The following CSMD1 variants were observed in gnomAD, a reference collection of about 807,000 sequenced individuals.
CSMD1 encodes the protein CUB and Sushi multiple domains 1, also known as CUB and sushi domain-containing protein 1.
CSMD1 carries 213 observed loss-of-function variants against 417.5 expected under a neutral mutation model. The ratio of observed to expected loss-of-function variants is 0.51; its 90% CI spans 0.46 to 0.57. CSMD1 has a LOEUF of 0.57. Ranked by LOEUF, CSMD1 falls within the 20% of genes least tolerant of loss-of-function variation. CSMD1 has a pLI of 0.00. For synonymous variants in CSMD1, 2,862 were observed against 1,736.8 expected (o/e 1.65, Z -16.11); for missense variants, 6,923 against 4,529.7 (o/e 1.53, Z -15.17).
At chr8:3,204,939 C>G (rs1051807707) in intron 31 of CSMD1, among the ~76,000 whole-genome samples, 1 of 152,126 alleles carries the variant, frequency 6.6e-6, no homozygotes, top group African/African-American at 2.4e-5. Flanking sequence ...GAAGGCCCTT[C>G]TGGAAATGAA....
At chr8:4,425,870 A>G (rs928941401) in intron 2 of CSMD1, among the ~76,000 whole-genome samples, 3 of 152,092 alleles carry the variant, frequency 2.0e-5, no homozygotes, top group African/African-American at 4.8e-5. Context: ...TAAACTTTGA[A>G]TATTTCAACA....
At chr8:4,429,946 G>A (rs192545340) in intron 2 of CSMD1, among the ~76,000 whole-genome samples, 2 of 152,116 alleles carry the variant, frequency 1.3e-5, no homozygotes, top group South Asian at 4.1e-4. Context: ...GAATGAAAAA[G>A]ACAAGAGGCA....
Position 2,962,317 on chromosome 8 carries a change from A to G in CSMD1, c.9628+149T>C, listed in dbSNP as rs1484048415. 24 of 659,004 alleles carry G rather than the reference A, an allele frequency of 3.6e-5. No individual in the cohort carries two copies. The East Asian group carries it at 5.5e-4, about 15-fold the overall frequency. The allele number at this position is 659,004 out of a possible 1,614,324, so 40.8% of individuals were successfully genotyped here. ...CATCAGTTTAGCTGATGAGTGCGCAATCCTACTCAGTGCAAAAATTATTAC... is the reference window on the plus strand; with the variant it reads ...CATCAGTTTAGCTGATGAGTGCGCAGTCCTACTCAGTGCAAAAATTATTAC... On this transcript the variant is annotated intron_variant, in intron 61 of 69. Coordinates refer to ENST00000635120, the MANE Select transcript of CSMD1 (RefSeq NM_033225.6).
intron 3 of CSMD1, among the ~76,000 whole-genome samples, chr8:4,258,879 G>A (rs1803672197): frequency 6.6e-6 from 1 of 152,138 alleles, no homozygotes; most frequent in Non-Finnish European, 1.5e-5. Flanking sequence ...TCTCTACCTG[G>A]CCGTGCCATG....
chr8:4,708,240 G>C (rs1808075888), intron 1 of CSMD1, among the ~76,000 whole-genome samples: 1 of 152,256 alleles, frequency 6.6e-6, no homozygotes, highest in Non-Finnish European at 1.5e-5. Context: ...ATGAGCCACT[G>C]CATCTGGCCT....
intron 10 of CSMD1, among the ~76,000 whole-genome samples, chr8:3,540,100 G>A (rs1296022582): frequency 1.3e-5 from 2 of 152,078 alleles, no homozygotes; most frequent in Non-Finnish European, 2.9e-5. Context: ...GATTCTAGTT[G>A]CTTGTAGACT....
At chr8:4,789,479 G>A (rs1797580327) in intron 1 of CSMD1, among the ~76,000 whole-genome samples, 1 of 152,094 alleles carries the variant, frequency 6.6e-6, no homozygotes, top group Non-Finnish European at 1.5e-5. Flanking sequence ...CTGGCACCTG[G>A]TTTACATTGG....
intron 15 of CSMD1, among the ~76,000 whole-genome samples, chr8:3,402,632 G>T (rs1812104816): frequency 1.3e-5 from 2 of 152,052 alleles, no homozygotes; most frequent in Admixed American, 1.3e-4. Flanking sequence ...GCTTTTCACT[G>T]TTTACGTAAA....
At chr8:3,523,279 A>G (rs966919597) in intron 10 of CSMD1, among the ~76,000 whole-genome samples, 2 of 150,796 alleles carry the variant, frequency 1.3e-5, no homozygotes, top group African/African-American at 5.0e-5. Context: ...AAGCCTACAT[A>G]AGAATAACCT....
intron 12 of CSMD1, among the ~76,000 whole-genome samples, chr8:3,422,991 T>C (rs1394370707): frequency 3.3e-5 from 5 of 152,212 alleles, no homozygotes; most frequent in African/African-American, 1.2e-4. Flanking sequence ...TGCTACCAAA[T>C]TGGCAACACC....
At chr8:3,799,720 T>C (rs949697742) in intron 5 of CSMD1, among the ~76,000 whole-genome samples, 5 of 152,008 alleles carry the variant, frequency 3.3e-5, no homozygotes, top group Admixed American at 6.6e-5. Context: ...ACGTTTGACA[T>C]TCTGTGCATT....
chr8:3,451,340 T>C (rs140730031), intron 12 of CSMD1, among the ~76,000 whole-genome samples: 1 of 152,322 alleles, frequency 6.6e-6, no homozygotes, highest in East Asian at 1.9e-4. Context: ...TGTGTCAATT[T>C]TGGCTTTTGT....
intron 8 of CSMD1, among the ~76,000 whole-genome samples, chr8:3,591,256 A>G (rs915082519): frequency 2.0e-5 from 3 of 152,196 alleles, no homozygotes; most frequent in African/African-American, 7.2e-5. Context: ...TAAATACAAC[A>G]GGGAAACATA....
chr8:3,609,360 A>C (rs927224864), intron 8 of CSMD1, among the ~76,000 whole-genome samples: 2 of 152,224 alleles, frequency 1.3e-5, no homozygotes, highest in African/African-American at 4.8e-5. Context: ...TTCAATTGTG[A>C]TGAATACACT....
rs74743500 is a variant in CSMD1 at position 4,419,095 on chromosome 8, A to G, written c.415+858T>C. On this transcript the variant is annotated intron_variant, in intron 3 of 69. Coordinates refer to ENST00000635120, the MANE Select transcript of CSMD1 (RefSeq NM_033225.6). Reference sequence around the variant, plus strand: ...AATGCAGAGTATTCCCAGTAAGAATATATAATTTGTGACTTAGTAGCAAAT... The same window carrying G: ...AATGCAGAGTATTCCCAGTAAGAATGTATAATTTGTGACTTAGTAGCAAAT... Among the ~76,000 whole-genome samples, 918 of 152,302 alleles carry G rather than the reference A, an allele frequency of 6.0e-3. 11 individuals are homozygous for G. The highest frequency in any genetic ancestry group is 0.021 in the African/African-American group (862 of 41,568).
chr8:4,869,461 C>G (rs1802608099), intron 1 of CSMD1, among the ~76,000 whole-genome samples: 1 of 152,020 alleles, frequency 6.6e-6, no homozygotes, highest in Non-Finnish European at 1.5e-5. Context: ...AAGCATATAT[C>G]TGCAACCAGA....
At chr8:2,970,094 T>A (rs1309071620) in intron 57 of CSMD1, among the ~76,000 whole-genome samples, 3 of 152,218 alleles carry the variant, frequency 2.0e-5, no homozygotes, top group East Asian at 3.8e-4. Context: ...CAAAATAAAA[T>A]TTTTAAAAAT....
chr8:3,333,161 GA>G (rs1202191622), intron 23 of CSMD1, among the ~76,000 whole-genome samples: 2 of 152,140 alleles, frequency 1.3e-5, no homozygotes, highest in Non-Finnish European at 2.9e-5. Flanking sequence ...ACAGCCTGAA[GA>G]GGCCCCTGAC....
intron 1 of CSMD1, among the ~76,000 whole-genome samples, chr8:4,814,982 A>C (rs987529482): frequency 6.6e-6 from 1 of 152,174 alleles, no homozygotes; most frequent in Non-Finnish European, 1.5e-5. Flanking sequence ...ATATTTCATA[A>C]ATCATTTTCC....
Sources: allele counts gnomAD v4.1 joint callset (sites outside exome capture counted in the v4.1 genomes callset), GRCh38; gene constraint gnomAD v4.1.1; transcripts MANE v1.5; gene names NCBI Gene and HGNC (gene_info 2026-07-23, HGNC 2026-07-21).